HSP90AA1: variants seen among roughly 807,000 people sequenced by gnomAD.
The protein encoded by HSP90AA1 is heat shock protein 90 alpha family class A member 1.
HSP90AA1 carries 18 observed loss-of-function variants against 73.3 expected under a neutral mutation model. The ratio of observed to expected loss-of-function variants is 0.25; its 90% CI spans 0.17 to 0.36. HSP90AA1 has a LOEUF of 0.36. Ranked by LOEUF, HSP90AA1 falls within the 10% of genes least tolerant of loss-of-function variation. The pLI is 1.00. For synonymous variants in HSP90AA1, 477 were observed against 296.9 expected (o/e 1.61, Z -6.24); for missense variants, 704 against 874.2 (o/e 0.81, Z 2.45).
intron 5 of HSP90AA1, 30 bp downstream of exon 5, chr14:102,084,651 A>G (rs754457890): frequency 1.9e-6 from 3 of 1,614,098 alleles, no homozygotes; most frequent in East Asian, 4.5e-5. Context: ...TAATCTAAGG[A>G]CAAGCTTGAA....
At chr14:102,098,681 C>T (rs1337707503) in intron 2 of HSP90AA1, among the ~76,000 whole-genome samples, 2 of 151,986 alleles carry the variant, frequency 1.3e-5, no homozygotes, top group Non-Finnish European at 2.9e-5. Flanking sequence ...CCAGGATGGT[C>T]TCGATCTCCT....
At chr14:102,135,241 C>A (rs1256536404) in intron 1 of HSP90AA1, among the ~76,000 whole-genome samples, 1 of 151,804 alleles carries the variant, frequency 6.6e-6, no homozygotes, top group Non-Finnish European at 1.5e-5. Flanking sequence ...ACTCACAAAC[C>A]TTGAGCTAAA....
At chr14:102,136,235 A>G (rs530761599) in intron 1 of HSP90AA1, among the ~76,000 whole-genome samples, 1 of 152,368 alleles carries the variant, frequency 6.6e-6, no homozygotes, top group South Asian at 2.1e-4. Flanking sequence ...AAATGAAAAA[A>G]TAATTCATAA....
At position 102,136,564 on chromosome 14, in the gene HSP90AA1, T is replaced by C. The variant is rs1356366533; in HGVS notation, c.155+2686A>G. The stretch of plus-strand genomic sequence containing the variant: ...AGCCTGGGCGACAGAGTGAGACTCG[T>C]CTCAAAAAAAAAAAAAAAAAAAAAA... On this transcript the variant is annotated intron_variant, in intron 1 of 11. Transcript: ENST00000334701. Among the ~76,000 whole-genome samples, 7 of 43,502 alleles carry C rather than the reference T, an allele frequency of 1.6e-4. 1 individual carries two copies. Among genetic ancestry groups the C allele is most frequent in the African/African-American group, 3.5e-4 (5 of 14,286 alleles). 28.5% of individuals were successfully genotyped at this position (43,502 alleles called of 152,430 possible). A position where few individuals can be genotyped will look rare whatever the true frequency, so the allele number is the denominator to read the frequency against.
intron 10 of HSP90AA1, 114 bp downstream of exon 10, chr14:102,081,997 T>G: frequency 1.2e-6 from 1 of 831,418 alleles, no homozygotes; most frequent in Non-Finnish European, 2.1e-6. Context: ...CTTTAATACC[T>G]CCAAGCAGCA....
chr14:102,088,765 C>G (rs1595662412), upstream of HSP90AA1, among the ~76,000 whole-genome samples: 1 of 152,162 alleles, frequency 6.6e-6, no homozygotes, highest in East Asian at 1.9e-4. Flanking sequence ...TTGCCTGTTT[C>G]CTTCCTGTCA....
intron 1 of HSP90AA1, among the ~76,000 whole-genome samples, chr14:102,135,698 G>A (rs1420668905): frequency 2.0e-5 from 3 of 152,262 alleles, no homozygotes; most frequent in South Asian, 2.1e-4. Flanking sequence ...CGAGCACAGC[G>A]CCGGTGGGCC....
intron 2 of HSP90AA1, among the ~76,000 whole-genome samples, chr14:102,096,288 C>T (rs1237319711): frequency 6.6e-6 from 1 of 152,214 alleles, no homozygotes; most frequent in Non-Finnish European, 1.5e-5. Flanking sequence ...GTTCCAGCCT[C>T]ACCTCCTCCG....
At chr14:102,101,080 A>G (rs2049487193) in intron 2 of HSP90AA1, among the ~76,000 whole-genome samples, 1 of 152,154 alleles carries the variant, frequency 6.6e-6, no homozygotes, top group Admixed American at 6.6e-5. Flanking sequence ...AGGGAAGGTC[A>G]GTCACCAACT....
In HSP90AA1 at chr14:102,127,564, T is replaced by C. The variant is rs1224532432; in HGVS notation, c.155+11686A>G. On this transcript the variant is annotated intron_variant, in intron 1 of 11. Transcript: ENST00000334701. ...ATAGCACACATGGAGTTATATTTAT[T>C]TGAGGGGGTAGGAGACAGCTGTGAC... is the stretch of plus-strand genomic sequence containing the variant. 8.5e-5 allele frequency among the ~76,000 whole-genome samples: 13 copies of C among 152,178 alleles called. No individual in the cohort carries two copies. The East Asian group carries it at 1.9e-3, about 23-fold the overall frequency.
chr14:102,125,361 C>T (rs1181557233), intron 1 of HSP90AA1, among the ~76,000 whole-genome samples: 1 of 152,152 alleles, frequency 6.6e-6, no homozygotes, highest in Admixed American at 6.6e-5. Context: ...ATAATTCTTG[C>T]AATGTTAAAA....
intron 1 of HSP90AA1, among the ~76,000 whole-genome samples, chr14:102,122,406 G>A (rs1425887808): frequency 2.0e-5 from 3 of 151,140 alleles, no homozygotes; most frequent in East Asian, 3.9e-4. Context: ...TCAGCCTCCC[G>A]AGTAGCTGGG....
At chr14:102,110,598 T>G (rs1566730992) in intron 1 of HSP90AA1, among the ~76,000 whole-genome samples, 2 of 150,288 alleles carry the variant, frequency 1.3e-5, no homozygotes, top group African/African-American at 4.8e-5. Context: ...TTTTTTTTTT[T>G]TGAGACAGTC....
intron 1 of HSP90AA1, chr14:102,139,137 G>A (rs1397332276): frequency 2.3e-6 from 3 of 1,293,320 alleles, no homozygotes; most frequent in South Asian, 2.5e-5. Context: ...CTCATCACAC[G>A]CAGGAATTAG....
At chr14:102,136,616 G>A (rs1412401726) in intron 1 of HSP90AA1, among the ~76,000 whole-genome samples, 4 of 151,242 alleles carry the variant, frequency 2.6e-5, no homozygotes, top group East Asian at 1.9e-4. Flanking sequence ...GGCCGGGCGC[G>A]GTGGCTCACG....
Position 102,098,876 on chromosome 14 carries a change from T to C in HSP90AA1, c.366+2999A>G, listed in dbSNP as rs189642470. ...AAAATGAGGAGTAGGGATGGGACAG[T>C]TGGACCAGGTGCCATTTCTATCTTA... On this transcript the variant is annotated intron_variant, in intron 2 of 11. Coordinates refer to the HSP90AA1 transcript ENST00000334701. Among the ~76,000 whole-genome samples the C allele has an allele frequency of 3.5e-4, 54 of 152,316 alleles. 1 individual carries two copies. Among genetic ancestry groups the C allele is most frequent in the African/African-American group, 1.3e-3 (53 of 41,584 alleles).
chr14:102,105,065 G>A (rs1210539984), intron 1 of HSP90AA1, among the ~76,000 whole-genome samples: 2 of 150,184 alleles, frequency 1.3e-5, no homozygotes, highest in East Asian at 1.9e-4. Flanking sequence ...AAATTCAGCC[G>A]TGTGTGATGG....
intron 1 of HSP90AA1, among the ~76,000 whole-genome samples, chr14:102,113,792 G>A (rs924485325): frequency 2.6e-5 from 4 of 151,554 alleles, no homozygotes; most frequent in African/African-American, 9.7e-5. Context: ...CTCACTGCAA[G>A]CTCTGGCTCC....
At chr14:102,134,767 A>C (rs1433135627) in intron 1 of HSP90AA1, among the ~76,000 whole-genome samples, 1 of 152,232 alleles carries the variant, frequency 6.6e-6, no homozygotes. Flanking sequence ...AAGAGTGAGC[A>C]GTAGCAAGAT....
Sources: allele counts gnomAD v4.1 joint callset (sites outside exome capture counted in the v4.1 genomes callset), GRCh38; gene constraint gnomAD v4.1.1; transcripts MANE v1.5; gene names NCBI Gene and HGNC (gene_info 2026-07-23, HGNC 2026-07-21).